The following FLYWCH2 variants were observed in gnomAD, a reference collection of about 807,000 sequenced individuals.
FLYWCH2 encodes the protein FLYWCH family member 2.
Under a neutral mutation model 6.0 loss-of-function variants are expected in FLYWCH2, and 2 were observed. The ratio of observed to expected loss-of-function variants is 0.33; its 90% CI spans 0.14 to 1.04. The LOEUF is 1.04. FLYWCH2 is among the 50% of genes least tolerant of loss of function. The probability of loss-of-function intolerance (pLI) is 0.45; values close to 1 mark genes in which losing one functional copy is unlikely to be tolerated. For synonymous variants in FLYWCH2, 87 were observed against 79.3 expected (o/e 1.10, Z -0.52); for missense variants, 192 against 183.4 (o/e 1.05, Z -0.27).
At chr16:2,883,979 C>G (rs893728320) in intron 1 of FLYWCH2, among the ~76,000 whole-genome samples, 2 of 152,164 alleles carry the variant, frequency 1.3e-5, no homozygotes, top group Non-Finnish European at 2.9e-5. Flanking sequence ...AGTTCTTGGC[C>G]TTCTTGGGGC....
chr16:2,887,676 C>T (rs1045420787), intron 1 of FLYWCH2, among the ~76,000 whole-genome samples: 2 of 150,944 alleles, frequency 1.3e-5, no homozygotes, highest in African/African-American at 2.4e-5. Context: ...GCTCAAGCAA[C>T]GCTCCCACCT....
rs1299808223 is a variant in FLYWCH2, at chr16:2,896,733, C to A, written c.284C>A (p.Pro95His). Residue 95 changes from proline (P) to histidine (H), a missense_variant, in exon 3 of 4, where the codon CCT becomes CAT. By Grantham distance (77) the Pro-to-His change is moderately conservative. Coordinates refer to ENST00000396958, the MANE Select transcript of FLYWCH2 (RefSeq NM_138439.3). The stretch of plus-strand genomic sequence containing the variant: ...GCCCAGCGGGCCATTGAGGCAGCCC[C>A]TCAGGAGCCTGAGCAGAAACGGAGC... ...PEAQRAIEAA[P>H]QEPEQKRSRQ... 5 of 1,611,942 alleles carry A rather than the reference C, an allele frequency of 3.1e-6. No individual in the cohort carries two copies. The South Asian group carries it at 5.5e-5, about 18-fold the overall frequency.
At chr16:2,893,632 TTC>T in intron 1 of FLYWCH2, among the ~76,000 whole-genome samples, 2 of 134,678 alleles carry the variant, frequency 1.5e-5, no homozygotes, top group Non-Finnish European at 3.2e-5. Context: ...TTTTCTTTTC[TTC>T]TTTTTTTTTT....
chr16:2,890,238 T>TTTTTTTTTTTTTTTTTTTTG (rs1567303880), intron 1 of FLYWCH2, among the ~76,000 whole-genome samples: 2 of 128,180 alleles, frequency 1.6e-5, no homozygotes, highest in African/African-American at 5.8e-5. Context: ...GTTTTTTTTT[T>TTTTTTTTTTTTTTTTTTTTG]TTTGTTTTTG....
At position 2,896,425 on chromosome 16, in the gene FLYWCH2, T is replaced by A. The variant is rs1204052602; in HGVS notation, c.-25T>A. 4.4e-6 allele frequency: 7 copies of A among 1,591,596 alleles called. No individual in the cohort carries two copies. The East Asian group carries it at 1.6e-4, about 36-fold the overall frequency. Reference sequence around the variant, plus strand: ...CACCTGCTGGGGGCTGAGTGTGGCCTGAGGGACAGGCCCTGGGTCCCGGGA... The same window carrying A: ...CACCTGCTGGGGGCTGAGTGTGGCCAGAGGGACAGGCCCTGGGTCCCGGGA... On this transcript the variant is annotated 5_prime_UTR_variant, in exon 3 of 4. Transcript: ENST00000396958.
chr16:2,898,929 C>A, intron 3 of FLYWCH2, 120 bp from the exon 4 acceptor site: 1 of 680,060 alleles, frequency 1.5e-6, no homozygotes, highest in Non-Finnish European at 2.4e-6. Context: ...CAGGCAGAGG[C>A]TTCTGGCCCT....
chr16:2,896,969 G>T (rs2069830511), intron 3 of FLYWCH2, 198 bp downstream of exon 3: 4 of 613,856 alleles, frequency 6.5e-6, no homozygotes, highest in Non-Finnish European at 1.1e-5. Context: ...CCTCTGAGCG[G>T]CCTTGCCTCT....
intron 1 of FLYWCH2, among the ~76,000 whole-genome samples, chr16:2,885,306 G>C (rs1158728492): frequency 1.3e-5 from 2 of 151,720 alleles, no homozygotes; most frequent in African/African-American, 4.8e-5. Context: ...GACAGAGCGA[G>C]ACTCCGTCTC....
intron 3 of FLYWCH2, chr16:2,896,998 C>A: frequency 1.7e-6 from 1 of 587,436 alleles, no homozygotes; most frequent in East Asian, 2.9e-5. Flanking sequence ...GTTCCCCACT[C>A]TGGAATGCGC....
chr16:2,894,837 A>G (rs969256843), intron 1 of FLYWCH2, among the ~76,000 whole-genome samples: 1 of 152,150 alleles, frequency 6.6e-6, no homozygotes, highest in Admixed American at 6.5e-5. Flanking sequence ...CTCATGGACA[A>G]TAGGGTCTTA....
chr16:2,889,092 A>G (rs1279958465), intron 1 of FLYWCH2, among the ~76,000 whole-genome samples: 1 of 149,200 alleles, frequency 6.7e-6, no homozygotes, highest in African/African-American at 2.5e-5. Context: ...CTACCAGGCA[A>G]CCTTTGTCAG....
At chr16:2,885,344 A>T (rs10153146) in intron 1 of FLYWCH2, among the ~76,000 whole-genome samples, 9,135 of 151,914 alleles carry the variant, frequency 0.06, 385 homozygotes, top group Non-Finnish European at 0.089. Flanking sequence ...CAAAAAAAAA[A>T]ATATACAGTT....
intron 1 of FLYWCH2, among the ~76,000 whole-genome samples, chr16:2,885,002 C>G (rs955017067): frequency 6.6e-6 from 1 of 151,866 alleles, no homozygotes. Context: ...TGAGATAATT[C>G]ACATACCGTG....
chr16:2,897,913 C>G (rs990400319), intron 3 of FLYWCH2, among the ~76,000 whole-genome samples: 5 of 122,100 alleles, frequency 4.1e-5, no homozygotes, highest in Middle Eastern at 4.1e-3. Context: ...TCTGCCGTGC[C>G]CTGAGAAGAA....
At chr16:2,886,871 T>C (rs999817461) in intron 1 of FLYWCH2, among the ~76,000 whole-genome samples, 1 of 152,070 alleles carries the variant, frequency 6.6e-6, no homozygotes, top group Non-Finnish European at 1.5e-5. Context: ...TGAGTTGTAA[T>C]AGTTCTTTAT....
rs2069834645 is a variant in FLYWCH2 at position 2,897,305 on chromosome 16, C to T, written c.322+534C>T. Among the ~76,000 whole-genome samples, 6 of 152,316 alleles carry T rather than the reference C, an allele frequency of 3.9e-5. No individual in the cohort carries two copies. The South Asian group carries it at 1.2e-3, about 32-fold the overall frequency. On this transcript the variant is annotated intron_variant, in intron 3 of 3. Coordinates refer to ENST00000396958, the MANE Select transcript of FLYWCH2 (RefSeq NM_138439.3). ...GTGACCTCAGCCTGGCTCTCCGGGA[C>T]TGCCCCTGCTCTCCCTACCTCCTCT...
At chr16:2,886,635 T>C (rs1468911692) in intron 1 of FLYWCH2, among the ~76,000 whole-genome samples, 2 of 141,478 alleles carry the variant, frequency 1.4e-5, no homozygotes, top group Non-Finnish European at 3.0e-5. Context: ...AATTCTCCTG[T>C]CTCAGCCTCC....
intron 3 of FLYWCH2, among the ~76,000 whole-genome samples, chr16:2,898,375 C>T (rs541926952): frequency 6.6e-6 from 1 of 152,330 alleles, no homozygotes; most frequent in East Asian, 1.9e-4. Flanking sequence ...GAGCCTCTGC[C>T]TGTCCCCCTG....
chr16:2,889,662 A>G (rs1254671011), intron 1 of FLYWCH2, among the ~76,000 whole-genome samples: 1 of 152,172 alleles, frequency 6.6e-6, no homozygotes, highest in African/African-American at 2.4e-5. Context: ...TACCTTTAAA[A>G]AAAACTTTTT....
Sources: allele counts gnomAD v4.1 joint callset (sites outside exome capture counted in the v4.1 genomes callset), GRCh38; gene constraint gnomAD v4.1.1; transcripts MANE v1.5; gene names NCBI Gene and HGNC (gene_info 2026-07-23, HGNC 2026-07-21).